Variants in PCF11 observed in about 807,000 individuals in gnomAD.
PCF11 encodes PCF11 cleavage and polyadenylation factor subunit, also known as pre-mRNA cleavage complex 2 protein Pcf11.
In PCF11, 19 loss-of-function variants were observed where a neutral mutation model predicts 166.1. That is an observed-to-expected ratio of 0.11 (90% CI 0.08 to 0.17). PCF11 has a LOEUF of 0.17. PCF11 is among the 10% of genes least tolerant of loss of function. The pLI is 1.00. For missense variants in PCF11, 1,565 were observed against 1,855.5 expected (o/e 0.84, Z 2.88); for synonymous variants, 663 against 644.1 (o/e 1.03, Z -0.44).
chr11:83,180,540 T>A (rs1861052337), intron 11 of PCF11: 1 of 152,456 alleles, frequency 6.6e-6, no homozygotes, highest in African/African-American at 2.4e-5. Context: ...CCCAATGGTA[T>A]TCTAAGTTTT....
At chr11:83,166,613 G>C in exon 5 of PCF11, 2 of 1,613,832 alleles carry the variant, frequency 1.2e-6, no homozygotes, top group Non-Finnish European at 1.7e-6. Context: ...CTACAAATCA[G>C]CATTCTACAA....
rs181914181 is a variant in PCF11 at position 83,177,670 on chromosome 11, G to T, written c.3878-44G>T. 453 of 978,720 alleles carry T rather than the reference G, an allele frequency of 4.6e-4. 1 individual carries two copies. Among genetic ancestry groups the T allele is most frequent in the Non-Finnish European group, 6.6e-4 (426 of 640,838 alleles). 60.6% of individuals were successfully genotyped at this position (978,720 alleles called of 1,614,324 possible). On this transcript the variant is annotated intron_variant, in intron 10 of 15. Coordinates refer to ENST00000298281, the Ensembl canonical transcript of PCF11. ...TAGTGTTCCTCTGTAGAGAATACAT[G>T]GAGAATGGTATTAAGAAATTTGTAT...
chr11:83,181,454 A>G (rs1480732409), intron 12 of PCF11, among the ~76,000 whole-genome samples: 1 of 151,070 alleles, frequency 6.6e-6, no homozygotes, highest in African/African-American at 2.4e-5. Flanking sequence ...TTCTAGCTCT[A>G]AAAGTCCAAG....
intron 9 of PCF11, among the ~76,000 whole-genome samples, chr11:83,176,389 A>T (rs191129526): frequency 1.1e-4 from 16 of 152,318 alleles, no homozygotes; most frequent in African/African-American, 3.8e-4. Flanking sequence ...GTGCACACAT[A>T]TGTTTATTGT....
chr11:83,173,247 G>C (rs144604402), intron 9 of PCF11, among the ~76,000 whole-genome samples: 1,903 of 152,280 alleles, frequency 0.012, 20 homozygotes, highest in Non-Finnish European at 0.021. Context: ...ACAAGGTCAA[G>C]AGATGGAGAC....
chr11:83,160,463 C>A (rs1243979972), intron 1 of PCF11, among the ~76,000 whole-genome samples: 1 of 150,918 alleles, frequency 6.6e-6, no homozygotes, highest in Non-Finnish European at 1.5e-5. Flanking sequence ...TGGAAGCTTG[C>A]TGTGCCTTCT....
intron 15 of PCF11, chr11:83,184,132 A>G (rs1323310701): frequency 6.8e-6 from 1 of 147,838 alleles, no homozygotes; most frequent in African/African-American, 2.6e-5. Context: ...AACCTGTGCG[A>G]CAAGAGTGAG....
At chr11:83,164,712 A>G (rs1030238270) in intron 4 of PCF11, among the ~76,000 whole-genome samples, 13 of 150,378 alleles carry the variant, frequency 8.6e-5, no homozygotes, top group African/African-American at 3.2e-4. Flanking sequence ...GTGAGGCCCT[A>G]CCAAAAAAAA....
At position 83,184,788 on chromosome 11, in the gene PCF11, C is replaced by T. The variant is rs1038332138; in HGVS notation, c.4562C>T (p.Pro1521Leu). The T allele has an allele frequency of 7.5e-6, 12 of 1,609,852 alleles. No individual in the cohort carries two copies. In the African/African-American group the frequency reaches 1.2e-4, roughly 16 times the overall value. ...GAATTGCAGGAACCCTGTGACAGTC[C>T]CAAAGTTAAGGAAGAACGAATTGAT... The change falls in exon 16 of 16, where the codon CCC (proline) becomes CTC (leucine). Residue 1521 changes from proline to leucine, a missense_variant. Coordinates refer to ENST00000298281, the Ensembl canonical transcript of PCF11.
At chr11:83,186,132 T>C (rs1488727204) in exon 16 of PCF11, 1 of 152,206 alleles carries the variant, frequency 6.6e-6, no homozygotes, top group Non-Finnish European at 1.5e-5. Flanking sequence ...TTCCTCTAAT[T>C]CCATACAATT....
At chr11:83,172,641 C>A (rs925526644) in intron 9 of PCF11, among the ~76,000 whole-genome samples, 6 of 152,112 alleles carry the variant, frequency 3.9e-5, no homozygotes, top group African/African-American at 1.4e-4. Flanking sequence ...GTCTCGAGCT[C>A]CTGACCTCAA....
In PCF11 at chr11:83,167,252, A is replaced by C. The variant is rs1419146451; in HGVS notation, c.1945A>C (p.Asn649His). Residue 649 changes from asparagine (N) to histidine (H), a missense_variant, in exon 6 of 16, where the codon AAT becomes CAT. Around this residue, in one of 12 missense-constraint regions of PCF11, gnomAD observed 468 missense variants for 483.4 expected, o/e 0.97. Transcript: ENST00000298281. The surrounding 1 kb of genome is among the most constrained non-coding windows in gnomAD (Gnocchi z 4.2). Reference sequence around the variant, plus strand: ...ACAGCATCGATTAAGTGTAGATGCCAATCTTCAGATTCCTAAAGAGTTAAC... The same window carrying C: ...ACAGCATCGATTAAGTGTAGATGCCCATCTTCAGATTCCTAAAGAGTTAAC... The C allele has an allele frequency of 6.2e-7, 1 of 1,613,650 alleles. No homozygotes were observed. The highest frequency in any genetic ancestry group is 2.2e-5 in the East Asian group (1 of 44,860).
chr11:83,161,669 A>C (rs1012624595), intron 2 of PCF11, among the ~76,000 whole-genome samples: 3 of 152,228 alleles, frequency 2.0e-5, no homozygotes, highest in African/African-American at 7.2e-5. Flanking sequence ...ATTTAAGAAT[A>C]GATGGATTTG....
intron 8 of PCF11, 101 bp from the exon 9 acceptor site, chr11:83,171,717 A>G (rs1860698139): frequency 1.4e-6 from 1 of 712,394 alleles, no homozygotes; most frequent in Non-Finnish European, 2.5e-6. Flanking sequence ...TTTATAAGCC[A>G]GGCCTTGTGA....
At chr11:83,168,341 A>G (rs1860546291) in intron 7 of PCF11, 87 bp from the exon 8 acceptor site, 2 of 1,226,552 alleles carry the variant, frequency 1.6e-6, no homozygotes, top group Non-Finnish European at 2.2e-6. Context: ...ATGTAGTGAG[A>G]TAGTTATATA....
At chr11:83,175,469 T>C (rs1267149850) in intron 9 of PCF11, among the ~76,000 whole-genome samples, 1 of 149,596 alleles carries the variant, frequency 6.7e-6, no homozygotes, top group Non-Finnish European at 1.5e-5. Flanking sequence ...ATCACAATTA[T>C]GGCCGGGCAC....
chr11:83,164,453 G>A (rs1185995594), intron 4 of PCF11, 52 bp downstream of exon 4: 2 of 1,288,844 alleles, frequency 1.6e-6, no homozygotes, highest in South Asian at 1.4e-5. Flanking sequence ...CTAACAATAG[G>A]GAAGTAATGT....
rs2135424882 is a variant in PCF11, at chr11:83,167,128, A to G, written c.1821A>G (p.Leu607=). The change falls in exon 6 of 16, where the codon TTA becomes TTG. Residue 607 remains leucine (L), a synonymous_variant. Transcript: ENST00000298281. This position sits in a 1 kb window ranked among gnomAD's most constrained non-coding sequence, Gnocchi z 4.2. ...CATACTGCTTTTATGGTTTCAGCTT[A>G]CAACAGGTTGATGAACATAGTAAAC... 1 of 1,609,692 alleles carries G rather than the reference A, an allele frequency of 6.2e-7. No homozygotes were observed.
intron 5 of PCF11, 38 bp downstream of exon 5, chr11:83,166,752 A>G (rs763615015): frequency 4.3e-5 from 65 of 1,498,822 alleles, no homozygotes; most frequent in Non-Finnish European, 5.6e-5. Flanking sequence ...GTAGTAGTGT[A>G]TATGTTTCAA....
Sources: gnomAD v4.1 joint callset for allele counts (sites outside exome capture counted in the v4.1 genomes callset) on GRCh38, gnomAD v4.1.1 for gene constraint, gnomAD v4.1.1 regional missense constraint, Gnocchi (gnomAD v3.1) non-coding constraint, MANE v1.5 for transcripts, NCBI Gene and HGNC (gene_info 2026-07-23, HGNC 2026-07-21) for gene names.